The following CHRM3 variants were observed in gnomAD, a reference collection of about 807,000 sequenced individuals.
CHRM3 encodes muscarinic acetylcholine receptor M3.
In CHRM3, 11 loss-of-function variants were observed where a neutral mutation model predicts 41.8. That is an observed-to-expected ratio of 0.26 (90% confidence interval 0.17 to 0.44). CHRM3 has a LOEUF of 0.44. Ranked by LOEUF, CHRM3 falls within the 20% of genes least tolerant of loss-of-function variation. The pLI is 1.00. For synonymous variants in CHRM3, 297 were observed against 301.4 expected (o/e 0.99, Z 0.15); for missense variants, 571 against 745.4 (o/e 0.77, Z 2.72).
chr1:239,447,071 T>C (rs1295079162), intron 1 of CHRM3, among the ~76,000 whole-genome samples: 1 of 152,194 alleles, frequency 6.6e-6, no homozygotes, highest in Non-Finnish European at 1.5e-5. Flanking sequence ...ACTTTGCAAA[T>C]ATTATTTAAC....
chr1:239,902,208 G>A (rs1299437357), intron 6 of CHRM3, among the ~76,000 whole-genome samples: 2 of 152,102 alleles, frequency 1.3e-5, no homozygotes, highest in African/African-American at 4.8e-5. Flanking sequence ...AGTTAGCATT[G>A]GGAGAAGGGA....
chr1:239,882,415 T>G (rs1174015416), intron 6 of CHRM3, among the ~76,000 whole-genome samples: 1 of 152,218 alleles, frequency 6.6e-6, no homozygotes, highest in African/African-American at 2.4e-5. Context: ...GTCCTTCCCA[T>G]GTACTAGACA....
intron 2 of CHRM3, among the ~76,000 whole-genome samples, chr1:239,530,350 A>G (rs543502484): frequency 8.5e-5 from 13 of 152,298 alleles, no homozygotes; most frequent in African/African-American, 1.7e-4. Flanking sequence ...AATATGATAT[A>G]TTTTTAACTA....
intron 5 of CHRM3, among the ~76,000 whole-genome samples, chr1:239,702,800 C>T (rs1434577133): frequency 1.3e-5 from 2 of 152,180 alleles, no homozygotes; most frequent in African/African-American, 4.8e-5. Context: ...ATTTAATTCA[C>T]TTAGTTATAT....
At chr1:239,798,654 A>G (rs1298428359) in intron 5 of CHRM3, among the ~76,000 whole-genome samples, 1 of 152,212 alleles carries the variant, frequency 6.6e-6, no homozygotes, top group Non-Finnish European at 1.5e-5. Context: ...CTTGGGGAGA[A>G]AAATGGCTCT....
intron 6 of CHRM3, among the ~76,000 whole-genome samples, chr1:239,856,296 G>A (rs1036711872): frequency 2.0e-5 from 3 of 152,138 alleles, no homozygotes; most frequent in African/African-American, 4.8e-5. Flanking sequence ...CTGAGTGTTG[G>A]AGGTGGGGCC....
chr1:239,838,538 T>G (rs1673518608), intron 6 of CHRM3, among the ~76,000 whole-genome samples: 1 of 152,206 alleles, frequency 6.6e-6, no homozygotes, highest in Non-Finnish European at 1.5e-5. Context: ...TGCCATATTT[T>G]GTGTGCAAAT....
At chr1:239,482,323 C>T (rs972938863) in intron 1 of CHRM3, among the ~76,000 whole-genome samples, 20 of 152,090 alleles carry the variant, frequency 1.3e-4, no homozygotes, top group African/African-American at 2.4e-5. Context: ...CGTGGACATG[C>T]GACTGTGATG....
intron 1 of CHRM3, among the ~76,000 whole-genome samples, chr1:239,404,716 CTAAATA>C (rs1660432659): frequency 4.0e-5 from 1 of 24,904 alleles, no homozygotes; most frequent in Non-Finnish European, 7.6e-5. Context: ...CATGCTATAT[CTAAATA>C]TATATATATA....
intron 1 of CHRM3, among the ~76,000 whole-genome samples, chr1:239,419,854 C>A (rs1661804793): frequency 6.6e-6 from 1 of 152,226 alleles, no homozygotes; most frequent in South Asian, 2.1e-4. Context: ...ACAAGCACAA[C>A]TGTGTGGTGC....
chr1:239,415,782 G>A (rs1399635718), intron 1 of CHRM3, among the ~76,000 whole-genome samples: 4 of 152,142 alleles, frequency 2.6e-5, no homozygotes, highest in Non-Finnish European at 5.9e-5. Context: ...CTAATCATAT[G>A]TCACTTCATT....
intron 1 of CHRM3, among the ~76,000 whole-genome samples, chr1:239,431,414 GA>G (rs1420486573): frequency 6.6e-6 from 1 of 152,158 alleles, no homozygotes; most frequent in Non-Finnish European, 1.5e-5. Context: ...GGCAAATAAT[GA>G]AATTAACAAG....
chr1:239,737,276 T>C (rs964311462), intron 5 of CHRM3, among the ~76,000 whole-genome samples: 5 of 152,136 alleles, frequency 3.3e-5, no homozygotes, highest in African/African-American at 7.2e-5. Flanking sequence ...TCACCATGAG[T>C]AGTGAGTAAA....
chr1:239,674,492 G>A (rs918710534), intron 4 of CHRM3, among the ~76,000 whole-genome samples: 9 of 151,922 alleles, frequency 5.9e-5, no homozygotes, highest in African/African-American at 1.7e-4. Flanking sequence ...GGGGGATCAC[G>A]AGGTCATGAG....
intron 1 of CHRM3, among the ~76,000 whole-genome samples, chr1:239,452,397 G>A (rs868737505): frequency 6.6e-6 from 1 of 152,202 alleles, no homozygotes; most frequent in Non-Finnish European, 1.5e-5. Context: ...GAAAAAGACC[G>A]CAGGAATTCT....
intron 3 of CHRM3, among the ~76,000 whole-genome samples, chr1:239,568,258 T>C (rs1188141790): frequency 6.6e-6 from 1 of 152,226 alleles, no homozygotes; most frequent in African/African-American, 2.4e-5. Flanking sequence ...GTAGCTGTTA[T>C]AATTCCCACC....
At chr1:239,422,138 C>T (rs949068796) in intron 1 of CHRM3, among the ~76,000 whole-genome samples, 8 of 152,010 alleles carry the variant, frequency 5.3e-5, no homozygotes, top group African/African-American at 1.2e-4. Context: ...TATATTTTAC[C>T]GAATGCTTTT....
Position 239,634,376 on chromosome 1 carries a change from C to CAGAAAGAAA in CHRM3, c.-250+2090_-250+2091insAGAAAGAAA, listed in dbSNP as rs1553347938. ...GATAGAGAGCAAAAGCAAGAACAAA[C>CAGAAAGAAA]GAAAGAAAGAAAGAAAGAAAGAAAG... On this transcript the variant is annotated intron_variant, in intron 4 of 6. Transcript: ENST00000676153. 4.4e-3 allele frequency among the ~76,000 whole-genome samples: 593 copies of CAGAAAGAAA among 135,554 alleles called. 3 individuals are homozygous for CAGAAAGAAA. Among genetic ancestry groups the CAGAAAGAAA allele is most frequent in the East Asian group, 0.013 (63 of 4,914 alleles). The allele number at this position is 135,554 out of a possible 152,430, so 88.9% of individuals were successfully genotyped here. A position where few individuals can be genotyped will look rare whatever the true frequency, so the allele number is the denominator to read the frequency against.
chr1:239,424,199 T>C (rs1572248232), intron 1 of CHRM3, among the ~76,000 whole-genome samples: 1 of 152,230 alleles, frequency 6.6e-6, no homozygotes, highest in South Asian at 2.1e-4. Flanking sequence ...GCTCCTAACA[T>C]ACGACACGGC....
Sources: gnomAD v4.1 joint callset for allele counts (sites outside exome capture counted in the v4.1 genomes callset) on GRCh38, gnomAD v4.1.1 for gene constraint, MANE v1.5 for transcripts, NCBI Gene and HGNC (gene_info 2026-07-23, HGNC 2026-07-21) for gene names.